Variants in CDCA8 observed in about 807,000 individuals in gnomAD.
CDCA8 encodes the protein borealin.
A neutral mutation model predicts 40.0 loss-of-function variants in CDCA8; 25 were observed. That is an observed-to-expected ratio of 0.63 (90% CI 0.46 to 0.87). The LOEUF (loss-of-function observed/expected upper bound fraction) is 0.87. Among genes scored for constraint, CDCA8 ranks in the 40% least tolerant of loss-of-function variants. The pLI is 0.00. For synonymous variants in CDCA8, 111 were observed against 126.5 expected (o/e 0.88, Z 0.82); for missense variants, 280 against 348.4 (o/e 0.80, Z 1.56).
chr1:37,708,285 A>T, intron 9 of CDCA8, 37 bp from the exon 10 acceptor site: 2 of 1,605,632 alleles, frequency 1.2e-6, no homozygotes, highest in Non-Finnish European at 1.7e-6. Flanking sequence ...CTGCCAAGTG[A>T]CATCTTCTAC....
rs1358326980 is a variant in CDCA8, at chr1:37,705,438, TAGGGTCTTC to T, written c.585-1_592del. 1 of 1,613,262 alleles carries T rather than the reference TAGGGTCTTC, an allele frequency of 6.2e-7. No homozygotes were observed. Among genetic ancestry groups the T allele is most frequent in the Non-Finnish European group, 8.5e-7 (1 of 1,179,230 alleles). ...TATCTTCACAGAGATTTTCCCATTC[TAGGGTCTTC>T]AAGACCCCTGGCCTGCGTACTCCAG... is the stretch of plus-strand genomic sequence containing the variant. On this transcript the variant is annotated splice_acceptor_variant and coding_sequence_variant, in exon 8 of 10. Transcript: ENST00000373055. LOFTEE classifies it high-confidence loss of function.
chr1:37,702,943 C>T (rs570807638), intron 6 of CDCA8, among the ~76,000 whole-genome samples: 37 of 126,724 alleles, frequency 2.9e-4, no homozygotes, highest in African/African-American at 1.1e-3. Flanking sequence ...CAGAGCAAGA[C>T]TCCGTCTCAA....
intron 6 of CDCA8, among the ~76,000 whole-genome samples, chr1:37,702,211 G>T (rs946820047): frequency 6.6e-6 from 1 of 151,550 alleles, no homozygotes; most frequent in Non-Finnish European, 1.5e-5. Flanking sequence ...GGCTAATTTT[G>T]TATTTTTAGT....
At position 37,708,484 on chromosome 1, in the gene CDCA8, T is replaced by G; in HGVS notation, c.*118T>G. ...TCCAGAGCAAGGAGCCATGTTCCTCTAAGGGAATTCAGGAATTCAGACGTG... is the reference window on the plus strand; with the variant it reads ...TCCAGAGCAAGGAGCCATGTTCCTCGAAGGGAATTCAGGAATTCAGACGTG... On this transcript the variant is annotated 3_prime_UTR_variant, in exon 10 of 10. Transcript: ENST00000373055. 1.0e-6 allele frequency: 1 copy of G among 1,001,336 alleles called. No individual in the cohort carries two copies. The highest frequency in any genetic ancestry group is 1.6e-6 in the Non-Finnish European group (1 of 636,122). The allele number at this position is 1,001,336 out of a possible 1,614,324, so 62.0% of individuals were successfully genotyped here. A position where few individuals can be genotyped will look rare whatever the true frequency, so the allele number is the denominator to read the frequency against.
At chr1:37,704,715 T>G (rs1166286136) in intron 7 of CDCA8, among the ~76,000 whole-genome samples, 2 of 138,184 alleles carry the variant, frequency 1.4e-5, no homozygotes, top group East Asian at 2.6e-4. Flanking sequence ...TGGCACAATC[T>G]CGGCTCACTG....
intron 6 of CDCA8, 88 bp from the exon 7 acceptor site, chr1:37,703,162 TCA>T (rs1174543400): frequency 3.0e-6 from 3 of 1,001,076 alleles, no homozygotes; most frequent in African/African-American, 3.2e-5. Flanking sequence ...GAGCAGTATC[TCA>T]CAGTCAGCTC....
rs1569588059 is a variant in CDCA8, at chr1:37,709,381, C to T, written c.*1015C>T. 1 of 152,296 alleles carries T rather than the reference C, an allele frequency of 6.6e-6. No individual in the cohort carries two copies. Among genetic ancestry groups the T allele is most frequent in the East Asian group, 1.9e-4 (1 of 5,168 alleles). 9.4% of individuals were successfully genotyped at this position (152,296 alleles called of 1,614,324 possible). ...TGCCTGGGGCATGGACTTTGTTAAG[C>T]AGAGTCAGCAGTGAGGTCCTCATTC... On this transcript the variant is annotated 3_prime_UTR_variant, in exon 10 of 10. Transcript: ENST00000373055.
At position 37,706,944 on chromosome 1, in the gene CDCA8, A is replaced by G. The variant is rs536093843; in HGVS notation, c.712-34A>G. 8.9e-6 allele frequency: 14 copies of G among 1,574,838 alleles called. No homozygotes were observed. In the African/African-American group the frequency reaches 9.4e-5, roughly 11 times the overall value. ...CCTAGGGGTTCCGGCCCTAAGGGCCATGGCCAGTTTAACCCACTCCCCTTT... is the reference window on the plus strand; with the variant it reads ...CCTAGGGGTTCCGGCCCTAAGGGCCGTGGCCAGTTTAACCCACTCCCCTTT... On this transcript the variant is annotated intron_variant, in intron 8 of 9. Coordinates refer to ENST00000373055, the MANE Select transcript of CDCA8 (RefSeq NM_001256875.2).
chr1:37,704,124 G>A (rs1645583019), intron 7 of CDCA8, among the ~76,000 whole-genome samples: 2 of 151,708 alleles, frequency 1.3e-5, no homozygotes, highest in African/African-American at 4.8e-5. Flanking sequence ...TTGTAGCGAT[G>A]GGATTTCGCC....
At chr1:37,695,980 T>C in intron 3 of CDCA8, 30 bp downstream of exon 3, 1 of 1,609,512 alleles carries the variant, frequency 6.2e-7, no homozygotes, top group Non-Finnish European at 8.5e-7. Flanking sequence ...TTCCAGCCAG[T>C]GGTTACTTAA....
rs968476306 is a variant in CDCA8 at position 37,696,965 on chromosome 1, G to A, written c.264+1015G>A. ...CCCCCTACATACACTGAGCTCCAAT[G>A]TTTTAAAAGAGTTACCTCTGAGATG... On this transcript the variant is annotated intron_variant, in intron 3 of 9. Coordinates refer to ENST00000373055, the MANE Select transcript of CDCA8 (RefSeq NM_001256875.2). The surrounding 1 kb of genome is among the most constrained non-coding windows in gnomAD (Gnocchi z 5.0). Among the ~76,000 whole-genome samples the A allele has an allele frequency of 1.3e-5, 2 of 152,190 alleles. No homozygotes were observed. The highest frequency in any genetic ancestry group is 4.8e-5 in the African/African-American group (2 of 41,430).
chr1:37,703,434 G>A lies in CDCA8; in HGVS notation c.584+87G>A, dbSNP rs776650184. ...AGGAGTGTCTAAGAAAATACTCCTA[G>A]GCCAGGCACGGTAGCTCACGCCTGT... On this transcript the variant is annotated intron_variant, in intron 7 of 9. Transcript: ENST00000373055. The A allele has an allele frequency of 1.8e-4, 178 of 979,782 alleles. 1 individual carries two copies. The highest frequency in any genetic ancestry group is 1.1e-3 in the Admixed American group (64 of 58,284). 60.7% of individuals were successfully genotyped at this position (979,782 alleles called of 1,614,324 possible).
chr1:37,707,014 A>G lies in CDCA8; in HGVS notation c.748A>G (p.Ser250Gly). 1.2e-6 allele frequency: 2 copies of G among 1,614,232 alleles called. No individual in the cohort carries two copies. The highest frequency in any genetic ancestry group is 1.7e-6 in the Non-Finnish European group (2 of 1,180,012). ...ATTGGCCAGTGACTTGCAGAGGCAC[A>G]GTATTGCCCAGCTGGATCCAGAGGC... is the stretch of plus-strand genomic sequence containing the variant. Reference protein sequence around the residue: ...RLLASDLQRHSIAQLDPEALG... With the variant: ...RLLASDLQRHGIAQLDPEALG... Residue 250 changes from serine (S) to glycine (G), a missense_variant, in exon 9 of 10, where the codon AGT becomes GGT. Ser to Gly is a moderately conservative substitution (Grantham distance 56). Transcript: ENST00000373055.
chr1:37,695,203 A>G (rs1165341361), intron 2 of CDCA8, among the ~76,000 whole-genome samples: 3 of 151,892 alleles, frequency 2.0e-5, no homozygotes, highest in Admixed American at 2.0e-4. Context: ...AAAAAAAATA[A>G]TTAAAAATAA....
chr1:37,696,103 A>G lies in CDCA8; in HGVS notation c.264+153A>G, dbSNP rs1645525023. On this transcript the variant is annotated intron_variant, in intron 3 of 9. Coordinates refer to ENST00000373055, the MANE Select transcript of CDCA8 (RefSeq NM_001256875.2). The surrounding 1 kb of genome is among the most constrained non-coding windows in gnomAD (Gnocchi z 5.0). Reference sequence around the variant, plus strand: ...AAATTAGAGTTGGACCAGACACTGTATACATGAGACCCAGATAGTTCTGAG... The same window carrying G: ...AAATTAGAGTTGGACCAGACACTGTGTACATGAGACCCAGATAGTTCTGAG... Among the ~76,000 whole-genome samples the G allele has an allele frequency of 6.6e-6, 1 of 152,230 alleles. No individual in the cohort carries two copies. The highest frequency in any genetic ancestry group is 1.5e-5 in the Non-Finnish European group (1 of 68,048).
intron 1 of CDCA8, 44 bp from the exon 2 acceptor site, chr1:37,692,861 C>T: frequency 6.2e-7 from 1 of 1,612,860 alleles, no homozygotes; most frequent in African/African-American, 1.3e-5. Flanking sequence ...TGCACAGATT[C>T]GCCCGCCCGT....
chr1:37,697,273 T>C (rs532825731), intron 3 of CDCA8, among the ~76,000 whole-genome samples: 1 of 152,336 alleles, frequency 6.6e-6, no homozygotes, highest in Non-Finnish European at 1.5e-5. Flanking sequence ...ATGGCGATGA[T>C]TTATTACAGT....
chr1:37,697,173 A>T (rs555610304), intron 3 of CDCA8, among the ~76,000 whole-genome samples: 3 of 152,228 alleles, frequency 2.0e-5, no homozygotes, highest in Non-Finnish European at 4.4e-5. Flanking sequence ...AAAAGCTCTT[A>T]GTTGGGAAGT....
intron 2 of CDCA8, among the ~76,000 whole-genome samples, chr1:37,693,759 T>C (rs1645500599): frequency 6.6e-6 from 1 of 152,164 alleles, no homozygotes; most frequent in African/African-American, 2.4e-5. Flanking sequence ...AATGAATAAA[T>C]GACATGGTTA....
Sources: gnomAD v4.1 joint callset for allele counts (sites outside exome capture counted in the v4.1 genomes callset) on GRCh38, gnomAD v4.1.1 for gene constraint, Gnocchi (gnomAD v3.1) non-coding constraint, MANE v1.5 for transcripts, NCBI Gene and HGNC (gene_info 2026-07-23, HGNC 2026-07-21) for gene names.